Variants in STOML1 observed in about 807,000 individuals in gnomAD.
The protein encoded by STOML1 is stomatin like 1.
Under a neutral mutation model 35.7 loss-of-function variants are expected in STOML1, and 27 were observed. The observed-to-expected ratio is 0.76, with a 90% CI of 0.56 to 1.04. STOML1 has a LOEUF of 1.04. STOML1 is among the 50% of genes least tolerant of loss of function. The pLI, the probability that STOML1 is intolerant of heterozygous loss-of-function variation, is 0.00. For synonymous variants in STOML1, 219 were observed against 227.9 expected, an observed-to-expected ratio of 0.96 and a Z score of 0.35; for missense variants, 451 against 527.1, an observed-to-expected ratio of 0.86 and a Z score of 1.41.
chr15:73,981,997 C>T lies in STOML1; in HGVS notation c.*1940G>A, dbSNP rs1209738620. The T allele has an allele frequency of 6.6e-6, 1 of 152,360 alleles. No individual in the cohort carries two copies. The highest frequency in any genetic ancestry group is 1.9e-4 in the East Asian group (1 of 5,180). 9.4% of individuals were successfully genotyped at this position (152,360 alleles called of 1,614,324 possible). On this transcript the variant is annotated 3_prime_UTR_variant, in exon 7 of 7. Transcript: ENST00000541638. ...GCTCACAAAGAAGAGTTTGGGTTTCCCCTAAGTTGTGATCTCATTTTTCCT... is the reference window on the plus strand; with the variant it reads ...GCTCACAAAGAAGAGTTTGGGTTTCTCCTAAGTTGTGATCTCATTTTTCCT...
At position 73,979,706 on chromosome 15, in the gene STOML1, G is replaced by A. The variant is rs1328505211; in HGVS notation, c.*4231C>T. The A allele has an allele frequency of 1.3e-5, 2 of 152,308 alleles. No individual in the cohort carries two copies. The highest frequency in any genetic ancestry group is 3.9e-4 in the East Asian group (2 of 5,182). 9.4% of individuals were successfully genotyped at this position (152,308 alleles called of 1,614,324 possible). A position where few individuals can be genotyped will look rare whatever the true frequency, so the allele number is the denominator to read the frequency against. The stretch of plus-strand genomic sequence containing the variant: ...TTACACCTTTAAAAAATATGTAAAT[G>A]CTAGGGGAAGAGAAACCAAACCAAA... On this transcript the variant is annotated 3_prime_UTR_variant, in exon 7 of 7. Transcript: ENST00000541638.
At chr15:73,990,689 A>T (rs1345231746) in intron 1 of STOML1, 3 of 1,090,208 alleles carry the variant, frequency 2.8e-6, no homozygotes, top group Admixed American at 4.1e-5. Flanking sequence ...AACAACCCTC[A>T]CAAGGCCTTA....
At chr15:73,991,691 G>A (rs1209123746) in intron 1 of STOML1, 1 of 472,890 alleles carries the variant, frequency 2.1e-6, no homozygotes, top group Admixed American at 2.3e-5. Flanking sequence ...TGCCCCCTAG[G>A]GCGAAAATTC....
chr15:73,985,404 AG>A lies in STOML1; in HGVS notation c.703del (p.Leu235TrpfsTer17). The A allele has an allele frequency of 6.4e-7, 1 of 1,563,886 alleles. No homozygotes were observed. The highest frequency in any genetic ancestry group is 1.2e-5 in the South Asian group (1 of 83,586). On this transcript the variant is annotated frameshift_variant, in exon 5 of 7. Coordinates refer to ENST00000541638, the MANE Select transcript of STOML1 (RefSeq NM_004809.5). LOFTEE classifies it high-confidence loss of function. Reference sequence around the variant, plus strand: ...GGCCAGCTGCTGGAGGGTGCTGTCCAGGTTGGGCCCAGCTGGGCTGTCCTGG... The same window carrying A: ...GGCCAGCTGCTGGAGGGTGCTGTCCAGTTGGGCCCAGCTGGGCTGTCCTGG... ...PPQDSPAGPNLDSTLQQLALH... is the reference protein window; with the variant it reads ...PPQDSPAGPNXDSTLQQLALH...
At position 73,980,567 on chromosome 15, in the gene STOML1, C is replaced by T. The variant is rs989139805; in HGVS notation, c.*3370G>A. On this transcript the variant is annotated 3_prime_UTR_variant, in exon 7 of 7. Transcript: ENST00000541638. ...GCCATTTGTATAAAAACAGGAACAA[C>T]AAAAACCCAGAAGATACATATTTGG... 6.6e-6 allele frequency: 1 copy of T among 151,944 alleles called. No homozygotes were observed. The highest frequency in any genetic ancestry group is 1.5e-5 in the Non-Finnish European group (1 of 67,976). 9.4% of individuals were successfully genotyped at this position (151,944 alleles called of 1,614,324 possible). A position where few individuals can be genotyped will look rare whatever the true frequency, so the allele number is the denominator to read the frequency against.
chr15:73,991,838 G>A, intron 1 of STOML1: 1 of 611,850 alleles, frequency 1.6e-6, no homozygotes, highest in Non-Finnish European at 2.9e-6. Context: ...GACAAATGTG[G>A]TGAGGTGAGG....
At chr15:73,991,136 A>AAAAAAC (rs1221013471) in intron 1 of STOML1, 1 of 487,984 alleles carries the variant, frequency 2.0e-6, no homozygotes, top group Non-Finnish European at 2.7e-6. Flanking sequence ...AACAAACAAC[A>AAAAAAC]AAAAACAAAA....
At position 73,988,279 on chromosome 15, in the gene STOML1, G is replaced by A. The variant is rs937409124; in HGVS notation, c.594+320C>T. 4.1e-5 allele frequency: 12 copies of A among 291,020 alleles called. No homozygotes were observed. Among genetic ancestry groups the A allele is most frequent in the Admixed American group, 9.3e-5 (2 of 21,458 alleles). 18.0% of individuals were successfully genotyped at this position (291,020 alleles called of 1,614,324 possible). A position where few individuals can be genotyped will look rare whatever the true frequency, so the allele number is the denominator to read the frequency against. ...TCTGCCTGCCCCATGAGTCAGGCCC[G>A]GAATGAGAGCTGTAGAAGCCAGTGT... On this transcript the variant is annotated intron_variant, in intron 4 of 6. Transcript: ENST00000541638. The surrounding 1 kb of genome is among the most constrained non-coding windows in gnomAD (Gnocchi z 4.8).
intron 1 of STOML1, chr15:73,991,134 A>C: frequency 1.7e-5 from 8 of 462,910 alleles, no homozygotes; most frequent in East Asian, 1.6e-4. Context: ...ACAACAAACA[A>C]CAAAAAACAA....
intron 2 of STOML1, among the ~76,000 whole-genome samples, chr15:73,989,622 G>A (rs1334005412): frequency 2.6e-5 from 4 of 152,046 alleles, no homozygotes; most frequent in Admixed American, 1.3e-4. Context: ...GAAAAGGCTC[G>A]GCTGCCCTAA....
chr15:73,991,448 G>C (rs990736304), intron 1 of STOML1, among the ~76,000 whole-genome samples: 1 of 152,264 alleles, frequency 6.6e-6, no homozygotes, highest in African/African-American at 2.4e-5. Flanking sequence ...GATCCACCAG[G>C]CCTCTCAAGA....
chr15:73,984,632 A>G lies in STOML1; in HGVS notation c.1003+27T>C, dbSNP rs981229751. 3.1e-6 allele frequency: 5 copies of G among 1,609,434 alleles called. No homozygotes were observed. In the African/African-American group the frequency reaches 4.0e-5, roughly 13 times the overall value. On this transcript the variant is annotated intron_variant, in intron 6 of 6. Transcript: ENST00000541638. ...CAAGAAACCTAGCAAGCTGGATGGG[A>G]AGGAGAGGCAAGGAGGGCAGCGGCA...
chr15:73,980,841 A>C lies in STOML1; in HGVS notation c.*3096T>G, dbSNP rs2068952659. 1 of 151,882 alleles carries C rather than the reference A, an allele frequency of 6.6e-6. No individual in the cohort carries two copies. The highest frequency in any genetic ancestry group is 2.1e-4 in the South Asian group (1 of 4,810). 9.4% of individuals were successfully genotyped at this position (151,882 alleles called of 1,614,324 possible). On this transcript the variant is annotated 3_prime_UTR_variant, in exon 7 of 7. Transcript: ENST00000541638. Reference sequence around the variant, plus strand: ...AGGATCCTGCGAGCCCAGGAGTTCAAGACCAGCCTGAGCAACATGGGGAGA... The same window carrying C: ...AGGATCCTGCGAGCCCAGGAGTTCACGACCAGCCTGAGCAACATGGGGAGA...
rs529906201 is a variant in STOML1, at chr15:73,979,018, T to A, written c.*4919A>T. Reference sequence around the variant, plus strand: ...TGAATGAATACATTGTGCCTCTATCTAGACAATGGAATGTGTTGGCAATAC... The same window carrying A: ...TGAATGAATACATTGTGCCTCTATCAAGACAATGGAATGTGTTGGCAATAC... On this transcript the variant is annotated 3_prime_UTR_variant, in exon 7 of 7. Transcript: ENST00000541638. The A allele has an allele frequency of 1.3e-5, 2 of 152,332 alleles. No homozygotes were observed. Among genetic ancestry groups the A allele is most frequent in the African/African-American group, 4.8e-5 (2 of 41,572 alleles). The allele number at this position is 152,332 out of a possible 1,614,324, so 9.4% of individuals were successfully genotyped here.
chr15:73,984,801 CT>C lies in STOML1; in HGVS notation c.860del (p.Lys287SerfsTer9). On this transcript the variant is annotated frameshift_variant, in exon 6 of 7. Coordinates refer to ENST00000541638, the MANE Select transcript of STOML1 (RefSeq NM_004809.5). LOFTEE classifies it high-confidence loss of function. ...TCAGTAGCCCCTCCGCCAGAGGCTG[CT>C]TCGGACTGGACCTGGCACCAACTTG... ...APQVGARSSP[K>X]QPLAEGLLTA... 6.2e-7 allele frequency: 1 copy of C among 1,614,136 alleles called. No homozygotes were observed. Among genetic ancestry groups the C allele is most frequent in the Non-Finnish European group, 8.5e-7 (1 of 1,180,030 alleles).
upstream of STOML1, chr15:73,992,326 C>T (rs1412784898): frequency 7.6e-7 from 1 of 1,312,870 alleles, no homozygotes; most frequent in East Asian, 3.1e-5. Flanking sequence ...CGGCTTCACC[C>T]GCGCGGCCAC....
chr15:73,988,361 C>T lies in STOML1; in HGVS notation c.594+238G>A. 1.9e-6 allele frequency: 1 copy of T among 538,782 alleles called. No individual in the cohort carries two copies. The highest frequency in any genetic ancestry group is 3.2e-5 in the Admixed American group (1 of 31,630). 33.4% of individuals were successfully genotyped at this position (538,782 alleles called of 1,614,324 possible). On this transcript the variant is annotated intron_variant, in intron 4 of 6. Coordinates refer to ENST00000541638, the MANE Select transcript of STOML1 (RefSeq NM_004809.5). This position sits in a 1 kb window ranked among gnomAD's most constrained non-coding sequence, Gnocchi z 4.8. ...AAGGGGCAGACCCCAAGAATGTCTG[C>T]CGGGGCCACTTCCTCTTCTCAGGGA...
Position 73,992,231 on chromosome 15 carries a change from G to A in STOML1, c.-8C>T. On this transcript the variant is annotated 5_prime_UTR_variant, in exon 1 of 7. Transcript: ENST00000541638. ...CCCAGACCTGCCGAGCATGGCTTTTGACAGGAGACACGCCCCGCGCCTCCG... is the reference window on the plus strand; with the variant it reads ...CCCAGACCTGCCGAGCATGGCTTTTAACAGGAGACACGCCCCGCGCCTCCG... 1.3e-6 allele frequency: 2 copies of A among 1,591,840 alleles called. No individual in the cohort carries two copies. The highest frequency in any genetic ancestry group is 1.7e-6 in the Non-Finnish European group (2 of 1,171,584).
chr15:73,992,439 C>G (rs28454082), upstream of STOML1: 3,541 of 425,128 alleles, frequency 8.3e-3, 114 homozygotes, highest in African/African-American at 0.065. Flanking sequence ...CCCAGGGCTA[C>G]TGGGTGTGAT....
Sources: allele counts gnomAD v4.1 joint callset (sites outside exome capture counted in the v4.1 genomes callset), GRCh38; gene constraint gnomAD v4.1.1; non-coding constraint Gnocchi (gnomAD v3.1); transcripts MANE v1.5; gene names NCBI Gene and HGNC (gene_info 2026-07-23, HGNC 2026-07-21).